NTNG2: variants seen among roughly 807,000 people sequenced by gnomAD.
The protein encoded by NTNG2 is netrin-G2.
A neutral mutation model predicts 47.6 loss-of-function variants in NTNG2; 15 were observed. That is an observed-to-expected ratio of 0.32 (90% confidence interval 0.21 to 0.49). The LOEUF is 0.49. Ranked by LOEUF, NTNG2 falls within the 20% of genes least tolerant of loss-of-function variation. The pLI is 0.99. For synonymous variants in NTNG2, 307 were observed against 324.6 expected, an observed-to-expected ratio of 0.95 and a Z score of 0.58; for missense variants, 578 against 764.6, an observed-to-expected ratio of 0.76 and a Z score of 2.88.
chr9:132,224,286 G>A (rs931230514), intron 3 of NTNG2, among the ~76,000 whole-genome samples: 2 of 152,208 alleles, frequency 1.3e-5, no homozygotes, highest in Non-Finnish European at 2.9e-5. Flanking sequence ...GTGTTACAAT[G>A]ATGAGCTAAC....
At position 132,226,870 on chromosome 9, in the gene NTNG2, C is replaced by T. The variant is rs1840798101; in HGVS notation, c.879C>T (p.Ala293=). The T allele has an allele frequency of 6.2e-7, 1 of 1,608,770 alleles. No homozygotes were observed. Among genetic ancestry groups the T allele is most frequent in the South Asian group, 1.1e-5 (1 of 90,236 alleles). ...VIGRCKCNLH[A]NLCSMREGSL... is the part of the protein sequence containing the mutation. ...CCAGGTGCAAGTGCAACCTGCACGC[C>T]AACCTGTGCTCCATGCGCGAGGGCA... Residue 293 remains alanine (A), a synonymous_variant, in exon 4 of 8, where the codon GCC becomes GCT. Transcript: ENST00000393229. The surrounding 1 kb of genome is among the most constrained non-coding windows in gnomAD (Gnocchi z 4.8).
intron 3 of NTNG2, among the ~76,000 whole-genome samples, chr9:132,214,903 G>A (rs1839860909): frequency 6.6e-6 from 1 of 150,646 alleles, no homozygotes; most frequent in Admixed American, 6.6e-5. Context: ...ACAGGGTCTT[G>A]CTCTGTCACC....
At chr9:132,214,481 C>T (rs1008214953) in intron 3 of NTNG2, among the ~76,000 whole-genome samples, 1 of 152,218 alleles carries the variant, frequency 6.6e-6, no homozygotes, top group Admixed American at 6.5e-5. Context: ...GCTGGGCTCT[C>T]CCCTGGAGGT....
chr9:132,234,618 T>C (rs1490438958), intron 5 of NTNG2, among the ~76,000 whole-genome samples: 2 of 152,214 alleles, frequency 1.3e-5, no homozygotes, highest in Non-Finnish European at 1.5e-5. Flanking sequence ...CGCCTGCCAA[T>C]GTCAAGCTGT....
At chr9:132,184,339 G>A (rs116438205) in intron 2 of NTNG2, among the ~76,000 whole-genome samples, 283 of 152,328 alleles carry the variant, frequency 1.9e-3, no homozygotes, top group African/African-American at 6.5e-3. Flanking sequence ...GGAAGGGGCC[G>A]AGGAGGGGGA....
chr9:132,210,360 G>T (rs1261901302), intron 3 of NTNG2, among the ~76,000 whole-genome samples: 1 of 152,188 alleles, frequency 6.6e-6, no homozygotes, highest in East Asian at 1.9e-4. Context: ...GAAGGAGTCG[G>T]TATTTTGTCA....
At chr9:132,209,117 C>T (rs1310493398) in intron 3 of NTNG2, among the ~76,000 whole-genome samples, 3 of 152,172 alleles carry the variant, frequency 2.0e-5, no homozygotes, top group African/African-American at 4.8e-5. Context: ...CAGTCTGGGG[C>T]GATTATGAGT....
At chr9:132,202,243 A>G (rs1838819212) in intron 3 of NTNG2, among the ~76,000 whole-genome samples, 1 of 152,220 alleles carries the variant, frequency 6.6e-6, no homozygotes. Flanking sequence ...AATGGCAGGC[A>G]GCAATGTAGG....
At position 132,216,381 on chromosome 9, in the gene NTNG2, CCTCTCTCT is replaced by C. The variant is rs1199246893; in HGVS notation, c.858-10441_858-10434del. On this transcript the variant is annotated intron_variant, in intron 3 of 7. Coordinates refer to ENST00000393229, the MANE Select transcript of NTNG2 (RefSeq NM_032536.4). ...GGTAAGAATCTGGCTGCTGACTCAGCCTCTCTCTCTCTCTCTCTCTCTCTCTCTCTCTC... is the reference window on the plus strand; with the variant it reads ...GGTAAGAATCTGGCTGCTGACTCAGCCTCTCTCTCTCTCTCTCTCTCTCTC... Among the ~76,000 whole-genome samples, 214 of 120,928 alleles carry C rather than the reference CCTCTCTCT, an allele frequency of 1.8e-3. 1 individual carries two copies. Among genetic ancestry groups the C allele is most frequent in the African/African-American group, 7.5e-3 (197 of 26,212 alleles). 79.3% of individuals were successfully genotyped at this position (120,928 alleles called of 152,430 possible). A position where few individuals can be genotyped will look rare whatever the true frequency, so the allele number is the denominator to read the frequency against.
intron 2 of NTNG2, among the ~76,000 whole-genome samples, chr9:132,187,570 AG>A (rs1292931093): frequency 2.4e-3 from 77 of 31,930 alleles, no homozygotes; most frequent in African/African-American, 0.023. Context: ...AGAGGGAGCA[AG>A]AGAGAGAGAG....
intron 2 of NTNG2, among the ~76,000 whole-genome samples, chr9:132,179,623 G>A (rs539533140): frequency 2.6e-5 from 4 of 152,224 alleles, no homozygotes; most frequent in Admixed American, 6.5e-5. Flanking sequence ...ACGTGCTTCC[G>A]TAGTGCCATG....
intron 2 of NTNG2, among the ~76,000 whole-genome samples, chr9:132,169,197 G>T (rs1441755078): frequency 6.6e-6 from 1 of 152,242 alleles, no homozygotes; most frequent in African/African-American, 2.4e-5. Flanking sequence ...TCCCACATGG[G>T]CAAGTCCTCG....
intron 1 of NTNG2, among the ~76,000 whole-genome samples, chr9:132,165,018 G>A (rs1436476033): frequency 6.6e-6 from 1 of 152,258 alleles, no homozygotes; most frequent in Non-Finnish European, 1.5e-5. Context: ...TACAGGAGGT[G>A]AAGAGGATGT....
At position 132,243,119 on chromosome 9, in the gene NTNG2, T is replaced by C. The variant is rs1188973593; in HGVS notation, c.*1008T>C. 6.6e-6 allele frequency: 1 copy of C among 152,068 alleles called. No individual in the cohort carries two copies. Among genetic ancestry groups the C allele is most frequent in the Non-Finnish European group, 1.5e-5 (1 of 68,040 alleles). 9.4% of individuals were successfully genotyped at this position (152,068 alleles called of 1,614,324 possible). A position where few individuals can be genotyped will look rare whatever the true frequency, so the allele number is the denominator to read the frequency against. ...GAAATCCGGAGTGTATTGGCCCTTT[T>C]CTACAGAAGTCCAAGGGAAATGACT... On this transcript the variant is annotated 3_prime_UTR_variant, in exon 8 of 8. Transcript: ENST00000393229.
chr9:132,186,079 C>T (rs908426694), intron 2 of NTNG2, among the ~76,000 whole-genome samples: 34 of 152,164 alleles, frequency 2.2e-4, no homozygotes, highest in Non-Finnish European at 2.8e-4. Context: ...GAACCTGGGA[C>T]CAAGAAAAAA....
chr9:132,194,658 C>T (rs1838146504), intron 2 of NTNG2, among the ~76,000 whole-genome samples: 1 of 152,264 alleles, frequency 6.6e-6, no homozygotes, highest in South Asian at 2.1e-4. Flanking sequence ...CTCAGTCCCC[C>T]CATCTGCTTA....
At chr9:132,172,722 AT>A (rs35406789) in intron 2 of NTNG2, among the ~76,000 whole-genome samples, 51 of 83,478 alleles carry the variant, frequency 6.1e-4, no homozygotes, top group Middle Eastern at 7.2e-3. Flanking sequence ...TCAGGGCTGT[AT>A]TTTTTTTTTT....
chr9:132,183,650 C>T (rs1837115125), intron 2 of NTNG2, among the ~76,000 whole-genome samples: 1 of 152,294 alleles, frequency 6.6e-6, no homozygotes, highest in Non-Finnish European at 1.5e-5. Context: ...CAAAAGGGAG[C>T]AAATTGCCCG....
chr9:132,213,526 C>G (rs1489786440), intron 3 of NTNG2, among the ~76,000 whole-genome samples: 1 of 152,104 alleles, frequency 6.6e-6, no homozygotes, highest in Non-Finnish European at 1.5e-5. Flanking sequence ...GTCCAGGTCC[C>G]CAACCCCAGC....
Sources: allele counts gnomAD v4.1 joint callset (sites outside exome capture counted in the v4.1 genomes callset), GRCh38; gene constraint gnomAD v4.1.1; non-coding constraint Gnocchi (gnomAD v3.1); transcripts MANE v1.5; gene names NCBI Gene and HGNC (gene_info 2026-07-23, HGNC 2026-07-21).